CACNA2D3: variants seen among roughly 807,000 people sequenced by gnomAD.
CACNA2D3 encodes calcium voltage-gated channel auxiliary subunit alpha2delta 3.
In CACNA2D3, 60 loss-of-function variants were observed where a neutral mutation model predicts 160.6. That is an observed-to-expected ratio of 0.37 (90% confidence interval 0.30 to 0.46). The LOEUF (loss-of-function observed/expected upper bound fraction) is 0.46. Among genes scored for constraint, CACNA2D3 ranks in the 20% least tolerant of loss-of-function variants. The probability of loss-of-function intolerance (pLI) is 1.00; values close to 1 mark genes in which losing one functional copy is unlikely to be tolerated. For synonymous variants in CACNA2D3, 558 were observed against 492.9 expected, an observed-to-expected ratio of 1.13 and a Z score of -1.75; for missense variants, 1,205 against 1,365.0, an observed-to-expected ratio of 0.88 and a Z score of 1.85.
At chr3:54,527,381 G>A (rs947798722) in intron 5 of CACNA2D3, among the ~76,000 whole-genome samples, 1 of 152,098 alleles carries the variant, frequency 6.6e-6, no homozygotes, top group Non-Finnish European at 1.5e-5. Flanking sequence ...GGGCACAATC[G>A]CTGAGCCATA....
chr3:55,028,614 A>G (rs1371357212), intron 35 of CACNA2D3, among the ~76,000 whole-genome samples: 1 of 152,256 alleles, frequency 6.6e-6, no homozygotes, highest in Non-Finnish European at 1.5e-5. Flanking sequence ...AGACTTGCTT[A>G]GAATCAATTG....
chr3:54,945,035 A>G (rs1420585699), intron 27 of CACNA2D3, among the ~76,000 whole-genome samples: 1 of 152,162 alleles, frequency 6.6e-6, no homozygotes, highest in African/African-American at 2.4e-5. Flanking sequence ...AAACTGGAGA[A>G]TGGGGAAGAT....
intron 9 of CACNA2D3, among the ~76,000 whole-genome samples, chr3:54,613,311 C>T (rs985959481): frequency 6.6e-6 from 1 of 152,194 alleles, no homozygotes; most frequent in Non-Finnish European, 1.5e-5. Context: ...TCATAAAAGT[C>T]TTTGTTGCAG....
intron 35 of CACNA2D3, among the ~76,000 whole-genome samples, chr3:55,044,089 T>A (rs937306093): frequency 2.0e-5 from 3 of 152,240 alleles, no homozygotes; most frequent in Non-Finnish European, 4.4e-5. Flanking sequence ...GCTATTCTAG[T>A]ACATTTGCCT....
At chr3:54,454,599 A>G (rs983656095) in intron 4 of CACNA2D3, among the ~76,000 whole-genome samples, 4 of 152,116 alleles carry the variant, frequency 2.6e-5, no homozygotes, top group Non-Finnish European at 4.4e-5. Context: ...ATTTCTTCAT[A>G]TTGGAAATGT....
chr3:54,233,330 C>T (rs1701813420), intron 2 of CACNA2D3, among the ~76,000 whole-genome samples: 1 of 152,130 alleles, frequency 6.6e-6, no homozygotes, highest in Admixed American at 6.5e-5. Context: ...TAACTGGGAG[C>T]CACAGAACAA....
intron 5 of CACNA2D3, among the ~76,000 whole-genome samples, chr3:54,538,634 G>A (rs956445887): frequency 2.6e-4 from 39 of 152,138 alleles, no homozygotes; most frequent in Admixed American, 2.4e-3. Flanking sequence ...GGGAAGGCCG[G>A]CTTTCTCCTA....
intron 2 of CACNA2D3, among the ~76,000 whole-genome samples, chr3:54,146,259 T>C (rs1258878070): frequency 6.6e-6 from 1 of 152,212 alleles, no homozygotes; most frequent in Non-Finnish European, 1.5e-5. Context: ...GTAACTGTTA[T>C]GAATTTGTTG....
At position 55,012,842 on chromosome 3, in the gene CACNA2D3, G is replaced by T. The variant is rs1976204; in HGVS notation, c.2875+3399G>T. 7.9e-5 allele frequency among the ~76,000 whole-genome samples: 12 copies of T among 152,230 alleles called. No homozygotes were observed. The East Asian group carries it at 2.3e-3, about 29-fold the overall frequency. On this transcript the variant is annotated intron_variant, in intron 34 of 37. Transcript: ENST00000474759. Reference sequence around the variant, plus strand: ...GCAGAGTAGGGGACAGTGACTAAGGGAGCCAGGTATGGTCTGTGCACCCAT... The same window carrying T: ...GCAGAGTAGGGGACAGTGACTAAGGTAGCCAGGTATGGTCTGTGCACCCAT...
At chr3:54,876,742 G>C (rs796671112) in intron 18 of CACNA2D3, among the ~76,000 whole-genome samples, 16 of 152,304 alleles carry the variant, frequency 1.1e-4, no homozygotes, top group African/African-American at 3.8e-4. Context: ...CACCTCAGAA[G>C]ATAAGTTTGA....
intron 11 of CACNA2D3, among the ~76,000 whole-genome samples, chr3:54,726,895 A>G (rs79327836): frequency 1.1e-4 from 16 of 152,234 alleles, no homozygotes; most frequent in Admixed American, 9.8e-4. Context: ...AATGGCAACA[A>G]AAGCCAAAAT....
intron 27 of CACNA2D3, among the ~76,000 whole-genome samples, chr3:54,935,656 C>G (rs530501657): frequency 8.5e-5 from 13 of 152,172 alleles, no homozygotes; most frequent in Middle Eastern, 3.4e-3. Flanking sequence ...TTTTGCAGTT[C>G]TTGTTGTTGG....
chr3:54,654,732 G>GCA (rs1699845212), intron 11 of CACNA2D3, among the ~76,000 whole-genome samples: 1 of 152,132 alleles, frequency 6.6e-6, no homozygotes, highest in African/African-American at 2.4e-5. Context: ...GAGTTCTGGG[G>GCA]TCTCTGAAGG....
At chr3:54,673,499 G>T (rs1390635572) in intron 11 of CACNA2D3, among the ~76,000 whole-genome samples, 1 of 152,174 alleles carries the variant, frequency 6.6e-6, no homozygotes, top group African/African-American at 2.4e-5. Flanking sequence ...GAAATTACAT[G>T]ATTTTCAGGA....
chr3:54,186,369 C>G (rs1393931579), intron 2 of CACNA2D3, among the ~76,000 whole-genome samples: 1 of 152,100 alleles, frequency 6.6e-6, no homozygotes, highest in Non-Finnish European at 1.5e-5. Flanking sequence ...AATTCCACAT[C>G]CTCCCAAGAT....
intron 2 of CACNA2D3, among the ~76,000 whole-genome samples, chr3:54,291,574 T>C (rs1703206760): frequency 6.6e-6 from 1 of 152,200 alleles, no homozygotes; most frequent in African/African-American, 2.4e-5. Flanking sequence ...TTAATTACTA[T>C]GGACTAGGAA....
chr3:54,180,689 T>C (rs781629162), intron 2 of CACNA2D3, among the ~76,000 whole-genome samples: 2 of 152,230 alleles, frequency 1.3e-5, no homozygotes, highest in South Asian at 4.1e-4. Flanking sequence ...CATATATTGC[T>C]GCTTCTTCTG....
intron 27 of CACNA2D3, chr3:54,925,087 A>T: frequency 6.2e-7 from 1 of 1,614,120 alleles, no homozygotes; most frequent in East Asian, 2.2e-5. Flanking sequence ...GGTAAATGGG[A>T]AGGGATTTCG....
chr3:54,226,542 A>G (rs929401774), intron 2 of CACNA2D3, among the ~76,000 whole-genome samples: 6 of 151,880 alleles, frequency 4.0e-5, no homozygotes, highest in African/African-American at 1.4e-4. Context: ...GCCTCAAACA[A>G]TCCTCCCACT....
Sources: gnomAD v4.1 joint callset for allele counts (sites outside exome capture counted in the v4.1 genomes callset) on GRCh38, gnomAD v4.1.1 for gene constraint, MANE v1.5 for transcripts, NCBI Gene and HGNC (gene_info 2026-07-23, HGNC 2026-07-21) for gene names.